Variants in FRMD4A observed in about 807,000 individuals in gnomAD.
FRMD4A encodes FERM domain-containing protein 4A.
A neutral mutation model predicts 129.1 loss-of-function variants in FRMD4A; 29 were observed. That is an observed-to-expected ratio of 0.22 (90% confidence interval 0.17 to 0.31). The LOEUF (loss-of-function observed/expected upper bound fraction) is 0.31, where lower values mean the gene tolerates loss of function less well. Among genes scored for constraint, FRMD4A ranks in the 10% least tolerant of loss-of-function variants. FRMD4A has a pLI of 1.00. For missense variants in FRMD4A, 1,272 were observed against 1,375.8 expected (o/e 0.92, Z 1.19); for synonymous variants, 634 against 571.6 (o/e 1.11, Z -1.56).
intron 15 of FRMD4A, among the ~76,000 whole-genome samples, chr10:13,676,361 AAGAGATTC>A (rs780212884): frequency 3.3e-5 from 5 of 151,552 alleles, no homozygotes; most frequent in Non-Finnish European, 5.9e-5. Context: ...TCCTAGGTTC[AAGAGATTC>A]TCCTGCCTCA....
chr10:13,930,562 G>T (rs759148181), intron 2 of FRMD4A, among the ~76,000 whole-genome samples: 1 of 152,170 alleles, frequency 6.6e-6, no homozygotes, highest in Non-Finnish European at 1.5e-5. Context: ...TGTTGAAAAT[G>T]ATTCTCTCTA....
At chr10:13,833,752 T>TATA (rs2093827385) in intron 3 of FRMD4A, among the ~76,000 whole-genome samples, 1 of 152,054 alleles carries the variant, frequency 6.6e-6, no homozygotes, top group Non-Finnish European at 1.5e-5. Flanking sequence ...TATACAGAAT[T>TATA]GCAGTTAATC....
intron 2 of FRMD4A, among the ~76,000 whole-genome samples, chr10:14,239,443 T>C (rs993699649): frequency 2.2e-4 from 33 of 152,164 alleles, no homozygotes; most frequent in East Asian, 9.7e-4. Context: ...CTGGCTAACA[T>C]GGTGAAACCC....
At chr10:13,773,992 G>A (rs1236130335) in intron 6 of FRMD4A, among the ~76,000 whole-genome samples, 3 of 152,182 alleles carry the variant, frequency 2.0e-5, no homozygotes, top group South Asian at 2.1e-4. Flanking sequence ...TCCTGTGAGA[G>A]TTTCCCATGG....
chr10:13,660,231 C>T (rs74123100), intron 20 of FRMD4A, 85 bp downstream of exon 20: 75,230 of 865,684 alleles, frequency 0.087, 3,852 homozygotes, highest in African/African-American at 0.16. Context: ...GATTTTGTCA[C>T]CGTGGATGCT....
chr10:14,244,464 G>A (rs897584192), intron 2 of FRMD4A, among the ~76,000 whole-genome samples: 1 of 152,142 alleles, frequency 6.6e-6, no homozygotes, highest in South Asian at 2.1e-4. Context: ...CTGAGATGGG[G>A]GCTCTTGTAT....
chr10:13,943,675 A>AAAAAAAAAAAAAAG (rs2095310696), intron 2 of FRMD4A, among the ~76,000 whole-genome samples: 6 of 123,636 alleles, frequency 4.9e-5, no homozygotes, highest in African/African-American at 8.5e-5. Flanking sequence ...AAAAAAAAAA[A>AAAAAAAAAAAAAAG]AAAAGAAAAA....
chr10:13,732,410 C>T (rs564349968), intron 12 of FRMD4A, among the ~76,000 whole-genome samples: 3 of 152,142 alleles, frequency 2.0e-5, no homozygotes, highest in African/African-American at 7.2e-5. Context: ...AGTGTGCCGA[C>T]GGGTTGCCAA....
At chr10:14,015,070 T>C (rs2095694427) in intron 2 of FRMD4A, among the ~76,000 whole-genome samples, 1 of 134,876 alleles carries the variant, frequency 7.4e-6, no homozygotes, top group Non-Finnish European at 1.6e-5. Context: ...TCTTCTGTCC[T>C]TCCTTCTCTC....
chr10:14,073,848 A>C (rs1211259729), intron 2 of FRMD4A, among the ~76,000 whole-genome samples: 1 of 152,200 alleles, frequency 6.6e-6, no homozygotes, highest in African/African-American at 2.4e-5. Flanking sequence ...GCGGTGGCTC[A>C]TGTCTGTAAT....
intron 2 of FRMD4A, among the ~76,000 whole-genome samples, chr10:13,948,033 A>T (rs1364735140): frequency 6.7e-6 from 1 of 149,356 alleles, no homozygotes; most frequent in East Asian, 2.0e-4. Context: ...TCTTGCCTCT[A>T]TAAAAAATAA....
At chr10:13,731,561 A>C (rs1179517588) in intron 12 of FRMD4A, among the ~76,000 whole-genome samples, 1 of 149,686 alleles carries the variant, frequency 6.7e-6, no homozygotes, top group Non-Finnish European at 1.5e-5. Flanking sequence ...AGGCAGAAGA[A>C]TTGCTTGAAC....
At chr10:14,205,228 AC>A (rs1276912855) in intron 2 of FRMD4A, among the ~76,000 whole-genome samples, 1 of 152,168 alleles carries the variant, frequency 6.6e-6, no homozygotes, top group East Asian at 1.9e-4. Context: ...AACATTTAAC[AC>A]TTAACTACTT....
At chr10:14,275,461 C>T (rs1253367072) in intron 2 of FRMD4A, among the ~76,000 whole-genome samples, 2 of 152,184 alleles carry the variant, frequency 1.3e-5, no homozygotes, top group East Asian at 3.8e-4. Context: ...TAAGCACCCA[C>T]ATGGTTGGTG....
chr10:14,230,600 T>A (rs1030522048), intron 2 of FRMD4A, among the ~76,000 whole-genome samples: 5 of 152,198 alleles, frequency 3.3e-5, no homozygotes, highest in African/African-American at 1.2e-4. Flanking sequence ...CTGACGAGAA[T>A]TTTTAAAATT....
chr10:13,961,043 T>C (rs2095443097), intron 2 of FRMD4A, among the ~76,000 whole-genome samples: 1 of 152,212 alleles, frequency 6.6e-6, no homozygotes, highest in Non-Finnish European at 1.5e-5. Flanking sequence ...TAAAGTTACC[T>C]TAATTGATGA....
chr10:14,119,293 A>G (rs1838368594), intron 2 of FRMD4A, among the ~76,000 whole-genome samples: 1 of 152,186 alleles, frequency 6.6e-6, no homozygotes, highest in Non-Finnish European at 1.5e-5. Flanking sequence ...GTGCAAAGTG[A>G]GCGGTTCATA....
intron 6 of FRMD4A, among the ~76,000 whole-genome samples, chr10:13,771,557 A>G (rs1270898012): frequency 6.6e-6 from 1 of 152,262 alleles, no homozygotes; most frequent in Non-Finnish European, 1.5e-5. Context: ...CAATTAAAAA[A>G]TAATTTTCTG....
At chr10:14,145,866 G>A (rs61838563) in intron 2 of FRMD4A, among the ~76,000 whole-genome samples, 5,737 of 152,182 alleles carry the variant, frequency 0.038, 138 homozygotes, top group Middle Eastern at 0.099. Flanking sequence ...TCTGATCCAG[G>A]GTTGCAACCA....
Sources: allele counts gnomAD v4.1 joint callset (sites outside exome capture counted in the v4.1 genomes callset), GRCh38; gene constraint gnomAD v4.1.1; transcripts MANE v1.5; gene names NCBI Gene and HGNC (gene_info 2026-07-23, HGNC 2026-07-21).